Variants in ARHGAP24 observed in about 807,000 individuals in gnomAD.
The protein encoded by ARHGAP24 is Rho GTPase activating protein 24.
In ARHGAP24, 50 loss-of-function variants were observed where a neutral mutation model predicts 76.4. The observed-to-expected ratio is 0.65, with a 90% confidence interval of 0.52 to 0.83. ARHGAP24 has a LOEUF of 0.83. Ranked by LOEUF, ARHGAP24 falls within the 40% of genes least tolerant of loss-of-function variation. The pLI, the probability that ARHGAP24 is intolerant of heterozygous loss-of-function variation, is 0.00. For synonymous variants in ARHGAP24, 345 were observed against 323.3 expected, an observed-to-expected ratio of 1.07 and a Z score of -0.72; for missense variants, 930 against 914.2, an observed-to-expected ratio of 1.02 and a Z score of -0.22.
intron 5 of ARHGAP24, among the ~76,000 whole-genome samples, chr4:85,963,179 A>G (rs1287191118): frequency 2.0e-5 from 3 of 152,096 alleles, no homozygotes; most frequent in Admixed American, 6.6e-5. Flanking sequence ...GTTTAATAGA[A>G]AAGTCTTTGT....
chr4:85,973,835 T>TTTTTG (rs1553949328), intron 6 of ARHGAP24, among the ~76,000 whole-genome samples: 10 of 44,340 alleles, frequency 2.3e-4, no homozygotes, highest in Admixed American at 1.2e-3. Flanking sequence ...TGCCTATTGT[T>TTTTTG]TTTTTTTTTT....
intron 3 of ARHGAP24, among the ~76,000 whole-genome samples, chr4:85,745,330 A>G (rs1725986333): frequency 6.8e-6 from 1 of 147,402 alleles, no homozygotes; most frequent in South Asian, 2.1e-4. Context: ...GTATATATAC[A>G]TATATACATA....
chr4:85,746,220 A>G (rs998018340), intron 3 of ARHGAP24, among the ~76,000 whole-genome samples: 7 of 152,240 alleles, frequency 4.6e-5, no homozygotes, highest in Non-Finnish European at 8.8e-5. Flanking sequence ...TATGATGCCC[A>G]GTTTCCAGGA....
intron 2 of ARHGAP24, among the ~76,000 whole-genome samples, chr4:85,600,163 G>A (rs1218322247): frequency 6.6e-6 from 1 of 152,168 alleles, no homozygotes; most frequent in Admixed American, 6.6e-5. Flanking sequence ...AGACGCTGGG[G>A]TAGCAAAGAA....
chr4:85,626,871 C>G (rs1405519068), intron 2 of ARHGAP24, among the ~76,000 whole-genome samples: 1 of 152,194 alleles, frequency 6.6e-6, no homozygotes, highest in Admixed American at 6.5e-5. Context: ...ATCGCATCGG[C>G]TACTGAGGCT....
At chr4:85,715,492 C>T (rs1365171704) in intron 2 of ARHGAP24, among the ~76,000 whole-genome samples, 1 of 151,972 alleles carries the variant, frequency 6.6e-6, no homozygotes, top group Non-Finnish European at 1.5e-5. Flanking sequence ...GAAGTAGGAT[C>T]TATTTTTATC....
At chr4:85,935,924 C>A (rs964117286) in intron 4 of ARHGAP24, among the ~76,000 whole-genome samples, 1 of 152,134 alleles carries the variant, frequency 6.6e-6, no homozygotes, top group Non-Finnish European at 1.5e-5. Context: ...TTACGATAGA[C>A]CCTGAGCTCC....
At chr4:85,771,802 C>T (rs1727138156) in intron 3 of ARHGAP24, among the ~76,000 whole-genome samples, 1 of 152,146 alleles carries the variant, frequency 6.6e-6, no homozygotes, top group African/African-American at 2.4e-5. Flanking sequence ...CTCTGCCTCC[C>T]GGGTTCAAGT....
At chr4:85,737,045 G>GTGAA (rs1725631619) in intron 3 of ARHGAP24, among the ~76,000 whole-genome samples, 1 of 152,110 alleles carries the variant, frequency 6.6e-6, no homozygotes, top group Non-Finnish European at 1.5e-5. Flanking sequence ...ATCAATTGAT[G>GTGAA]TGAAGGTACT....
At chr4:85,647,134 G>T (rs189310586) in intron 2 of ARHGAP24, among the ~76,000 whole-genome samples, 11 of 152,064 alleles carry the variant, frequency 7.2e-5, no homozygotes, top group Non-Finnish European at 1.5e-4. Flanking sequence ...GAAATGGGGA[G>T]ACATGCAATG....
rs72658261 is a variant in ARHGAP24, at chr4:85,855,894, C to T, written c.269-67754C>T. ...ACCACTGGATATGATACATTATGCC[C>T]CATATAAAATCAATTTTAATTGATT... On this transcript the variant is annotated intron_variant, in intron 3 of 9. Transcript: ENST00000395184. Among the ~76,000 whole-genome samples the T allele has an allele frequency of 4.4e-3, 663 of 152,096 alleles. 3 individuals carry two copies. Among genetic ancestry groups the T allele is most frequent in the Middle Eastern group, 0.01 (3 of 290 alleles).
intron 1 of ARHGAP24, among the ~76,000 whole-genome samples, chr4:85,482,691 T>C (rs1002659379): frequency 2.0e-5 from 3 of 152,224 alleles, no homozygotes; most frequent in Admixed American, 6.5e-5. Flanking sequence ...GCCATTCCTA[T>C]GTAAGAATAG....
intron 3 of ARHGAP24, among the ~76,000 whole-genome samples, chr4:85,847,416 A>T (rs1730952688): frequency 6.6e-6 from 1 of 152,226 alleles, no homozygotes; most frequent in Non-Finnish European, 1.5e-5. Flanking sequence ...GGTATTAATG[A>T]TGCTTAATAA....
intron 3 of ARHGAP24, among the ~76,000 whole-genome samples, chr4:85,779,730 G>A (rs1727454599): frequency 6.6e-6 from 1 of 152,104 alleles, no homozygotes; most frequent in South Asian, 2.1e-4. Flanking sequence ...TTCCAGAGCA[G>A]AAGGGGAATA....
chr4:85,669,695 GAT>G (rs201057784), intron 2 of ARHGAP24, among the ~76,000 whole-genome samples: 1 of 115,412 alleles, frequency 8.7e-6, no homozygotes, highest in African/African-American at 3.5e-5. Flanking sequence ...ATATATATGT[GAT>G]ATATATAGCT....
intron 3 of ARHGAP24, among the ~76,000 whole-genome samples, chr4:85,855,888 T>C (rs1179579359): frequency 6.6e-6 from 1 of 152,190 alleles, no homozygotes; most frequent in East Asian, 1.9e-4. Context: ...TATGATACAT[T>C]ATGCCCCATA....
chr4:85,584,015 A>C (rs1727736129), intron 2 of ARHGAP24, among the ~76,000 whole-genome samples: 1 of 149,260 alleles, frequency 6.7e-6, no homozygotes, highest in East Asian at 2.0e-4. Flanking sequence ...TAGTTCAACC[A>C]TTGTGGAAGT....
intron 2 of ARHGAP24, among the ~76,000 whole-genome samples, chr4:85,703,339 A>G (rs1724171380): frequency 6.6e-6 from 1 of 152,268 alleles, no homozygotes; most frequent in African/African-American, 2.4e-5. Flanking sequence ...AGATGAGATG[A>G]CAGATGGTCC....
chr4:85,504,405 C>T (rs1462279830), intron 1 of ARHGAP24, among the ~76,000 whole-genome samples: 1 of 152,016 alleles, frequency 6.6e-6, no homozygotes, highest in Non-Finnish European at 1.5e-5. Context: ...ACGTGCTCCT[C>T]TATTGGGTGC....
Sources: allele counts gnomAD v4.1 joint callset (sites outside exome capture counted in the v4.1 genomes callset), GRCh38; gene constraint gnomAD v4.1.1; transcripts MANE v1.5; gene names NCBI Gene and HGNC (gene_info 2026-07-23, HGNC 2026-07-21).